NWD1: variants seen among roughly 807,000 people sequenced by gnomAD.
NWD1 encodes the protein NACHT domain- and WD repeat-containing protein 1.
A neutral mutation model predicts 135.1 loss-of-function variants in NWD1; 129 were observed. That is an observed-to-expected ratio of 0.96 (90% CI 0.83 to 1.11). The LOEUF is 1.11. NWD1 is among the 50% of genes least tolerant of loss of function. The probability of loss-of-function intolerance (pLI) is 0.00; values close to 1 mark genes in which losing one functional copy is unlikely to be tolerated. For synonymous variants in NWD1, 773 were observed against 786.0 expected (o/e 0.98, Z 0.28); for missense variants, 1,740 against 1,851.3 (o/e 0.94, Z 1.10).
intron 5 of NWD1, among the ~76,000 whole-genome samples, chr19:16,746,105 A>G (rs1968301983): frequency 6.6e-6 from 1 of 152,084 alleles, no homozygotes; most frequent in African/African-American, 2.4e-5. Flanking sequence ...CTGTAATCCC[A>G]GCACTTTGGG....
chr19:16,790,603 C>G (rs1378760136), intron 13 of NWD1, among the ~76,000 whole-genome samples: 1 of 148,914 alleles, frequency 6.7e-6, no homozygotes, highest in Non-Finnish European at 1.5e-5. Flanking sequence ...GCACGTTCGG[C>G]ACATGTATCC....
chr19:16,800,532 G>A (rs1234002882), intron 17 of NWD1, among the ~76,000 whole-genome samples: 1 of 151,914 alleles, frequency 6.6e-6, no homozygotes, highest in Non-Finnish European at 1.5e-5. Flanking sequence ...CTCTGTCCCA[G>A]AAAAATAAAA....
At chr19:16,783,719 C>A (rs1969942718) in intron 12 of NWD1, among the ~76,000 whole-genome samples, 1 of 150,616 alleles carries the variant, frequency 6.6e-6, no homozygotes, top group African/African-American at 2.4e-5. Context: ...AAATTTAAGA[C>A]CCTGTCTCTT....
At chr19:16,742,974 G>A (rs1276568817) in intron 4 of NWD1, among the ~76,000 whole-genome samples, 3 of 151,118 alleles carry the variant, frequency 2.0e-5, no homozygotes, top group East Asian at 3.9e-4. Flanking sequence ...GTGTAGTGGT[G>A]CCATCTTGGC....
intron 6 of NWD1, among the ~76,000 whole-genome samples, chr19:16,753,378 C>G (rs950434950): frequency 2.0e-5 from 3 of 152,078 alleles, no homozygotes; most frequent in African/African-American, 7.2e-5. Context: ...ACAGGGGTGG[C>G]GGGGGAGGTG....
chr19:16,758,151 G>C (rs750373298), intron 6 of NWD1, among the ~76,000 whole-genome samples: 1 of 152,124 alleles, frequency 6.6e-6, no homozygotes, highest in Non-Finnish European at 1.5e-5. Context: ...CACTTGAAAG[G>C]TGCTTCACAC....
rs771046932 is a variant in NWD1, at chr19:16,807,875, C to T, written c.4026C>T (p.Thr1342=). ...PCPVIDGPRY[T]FYTQLPETLS... is the part of the protein sequence containing the mutation. ...CGGTCATCGATGGGCCAAGATACAC[C>T]TTTTACACTCAGCTGCCCGAGACCC... Residue 1342 remains threonine (T), a synonymous_variant, in exon 18 of 19, where the codon ACC becomes ACT. Coordinates refer to ENST00000524140, the MANE Select transcript of NWD1 (RefSeq NM_001007525.5). The T allele has an allele frequency of 1.9e-6, 3 of 1,614,222 alleles. No homozygotes were observed. Among genetic ancestry groups the T allele is most frequent in the Non-Finnish European group, 2.5e-6 (3 of 1,180,046 alleles).
At position 16,762,072 on chromosome 19, in the gene NWD1, G is replaced by T; in HGVS notation, c.2067G>T (p.Trp689Cys). 6.2e-7 allele frequency: 1 copy of T among 1,614,088 alleles called. No individual in the cohort carries two copies. Residue 689 changes from tryptophan (W) to cysteine (C), a missense_variant, in exon 8 of 19, where the codon TGG (tryptophan) becomes TGT (cysteine). By Grantham distance (215) the Trp-to-Cys change is radical. Coordinates refer to ENST00000524140, the MANE Select transcript of NWD1 (RefSeq NM_001007525.5). ...TGGCCGACTTCTTCTCAGGGACCTGGAGCCAGGGTACCAAGAAGCTCATCA... is the reference window on the plus strand; with the variant it reads ...TGGCCGACTTCTTCTCAGGGACCTGTAGCCAGGGTACCAAGAAGCTCATCA... ...GVLADFFSGT[W>C]SQGTKKLITL...
chr19:16,776,941 GA>G (rs112284735), intron 11 of NWD1, among the ~76,000 whole-genome samples: 14,015 of 96,564 alleles, frequency 0.15, 2,755 homozygotes, highest in African/African-American at 0.47. Flanking sequence ...GACCCTATCT[GA>G]AAAAAAAAAA....
chr19:16,740,240 A>T (rs1968024485), intron 4 of NWD1, among the ~76,000 whole-genome samples: 1 of 152,108 alleles, frequency 6.6e-6, no homozygotes, highest in African/African-American at 2.4e-5. Flanking sequence ...CTGAGGTGGC[A>T]GTGAACTATG....
intron 12 of NWD1, among the ~76,000 whole-genome samples, chr19:16,788,272 A>AATAATAATAATG (rs1568381238): frequency 1.4e-5 from 2 of 140,820 alleles, no homozygotes; most frequent in Non-Finnish European, 3.0e-5. Context: ...TAATAATAAT[A>AATAATAATAATG]ATAATAATAA....
chr19:16,780,816 C>T (rs946146663), intron 12 of NWD1, among the ~76,000 whole-genome samples: 1 of 152,060 alleles, frequency 6.6e-6, no homozygotes, highest in Admixed American at 6.6e-5. Context: ...CACCACCACA[C>T]CTGGCTGATT....
At chr19:16,772,103 C>T (rs73008586) in intron 10 of NWD1, among the ~76,000 whole-genome samples, 1,933 of 152,180 alleles carry the variant, frequency 0.013, 15 homozygotes, top group Middle Eastern at 0.02. Flanking sequence ...CAGTGGCTCA[C>T]GCCTATAATT....
At chr19:16,807,163 A>G (rs1229125004) in intron 17 of NWD1, among the ~76,000 whole-genome samples, 1 of 145,082 alleles carries the variant, frequency 6.9e-6, no homozygotes, top group South Asian at 2.2e-4. Context: ...ACTCCAGAAT[A>G]CTGTCTCAAA....
At chr19:16,736,820 TGA>T (rs1967839873) in intron 4 of NWD1, 70 bp downstream of exon 4, 2 of 928,346 alleles carry the variant, frequency 2.2e-6, no homozygotes, top group African/African-American at 3.3e-5. Context: ...CTAGACAAAC[TGA>T]TCAGCAGAGG....
intron 17 of NWD1, among the ~76,000 whole-genome samples, chr19:16,804,245 G>A (rs567533563): frequency 6.6e-6 from 1 of 151,978 alleles, no homozygotes; most frequent in Non-Finnish European, 1.5e-5. Flanking sequence ...AGTCAATTCC[G>A]GCCACTATAA....
rs138668261 is a variant in NWD1, at chr19:16,747,282, G to A, written c.497-1857G>A. Among the ~76,000 whole-genome samples, 1,184 of 151,290 alleles carry A rather than the reference G, an allele frequency of 7.8e-3. 19 individuals carry two copies. The highest frequency in any genetic ancestry group is 0.027 in the African/African-American group (1,134 of 41,346). On this transcript the variant is annotated intron_variant, in intron 5 of 18. Coordinates refer to ENST00000524140, the MANE Select transcript of NWD1 (RefSeq NM_001007525.5). ...GAACTCCTGACCTCTTGATCGGCCC[G>A]CCTTGGCCTCCCAAAGTGCTGGGAT...
At chr19:16,742,014 G>A (rs1456054928) in intron 4 of NWD1, among the ~76,000 whole-genome samples, 1 of 152,242 alleles carries the variant, frequency 6.6e-6, no homozygotes, top group African/African-American at 2.4e-5. Context: ...GGGAGGTAGA[G>A]GTTGCAGTGA....
intron 17 of NWD1, among the ~76,000 whole-genome samples, chr19:16,803,265 G>C (rs1970656581): frequency 6.6e-6 from 1 of 152,044 alleles, no homozygotes; most frequent in Non-Finnish European, 1.5e-5. Context: ...ATGAGATTTG[G>C]GTGGGGACAC....
Sources: gnomAD v4.1 joint callset for allele counts (sites outside exome capture counted in the v4.1 genomes callset) on GRCh38, gnomAD v4.1.1 for gene constraint, MANE v1.5 for transcripts, NCBI Gene and HGNC (gene_info 2026-07-23, HGNC 2026-07-21) for gene names.